The following CYFIP1 variants were observed in gnomAD, a reference collection of about 807,000 sequenced individuals.
The protein encoded by CYFIP1 is cytoplasmic FMR1-interacting protein 1.
CYFIP1 carries 58 observed loss-of-function variants against 163.5 expected under a neutral mutation model. The ratio of observed to expected loss-of-function variants is 0.35; its 90% CI spans 0.29 to 0.44. The LOEUF (loss-of-function observed/expected upper bound fraction) is 0.44, where lower values mean the gene tolerates loss of function less well. Ranked by LOEUF, CYFIP1 falls within the 20% of genes least tolerant of loss-of-function variation. CYFIP1 has a pLI of 1.00. For missense variants in CYFIP1, 1,338 were observed against 1,653.8 expected, an observed-to-expected ratio of 0.81 and a Z score of 3.31; for synonymous variants, 663 against 660.7, an observed-to-expected ratio of 1.00 and a Z score of -0.05.
intron 12 of CYFIP1, among the ~76,000 whole-genome samples, chr15:22,926,571 C>T (rs2061364354): frequency 6.6e-6 from 1 of 152,186 alleles, no homozygotes; most frequent in South Asian, 2.1e-4. Flanking sequence ...TGTACTCTTC[C>T]AATTTGATAA....
chr15:22,875,297 G>A (rs749245929), intron 26 of CYFIP1, 26 bp from the exon 27 acceptor site: 16 of 1,605,012 alleles, frequency 1.0e-5, no homozygotes, highest in Middle Eastern at 1.6e-4. Flanking sequence ...AGAGGGTCAA[G>A]CTAGGAAGGG....
rs1165023423 is a variant in CYFIP1 at position 22,870,146 on chromosome 15, T to C, written c.3644A>G (p.Asn1215Ser). 8.1e-6 allele frequency: 13 copies of C among 1,612,580 alleles called. No homozygotes were observed. Among genetic ancestry groups the C allele is most frequent in the Middle Eastern group, 1.7e-4 (1 of 6,060 alleles). The change falls in exon 31 of 31, where the codon AAT becomes AGT. Residue 1215 changes from asparagine (N) to serine (S), a missense_variant. Asn to Ser is a conservative substitution (Grantham distance 46). Coordinates refer to ENST00000617928, the MANE Select transcript of CYFIP1 (RefSeq NM_014608.6). ...ATCCAGGATGGTGATGATCTCATCA[T>C]TGAGAATCTGGAACTTGCGAATTCT... ...VERIRKFQIL[N>S]DEIITILDKY... is the part of the protein sequence containing the mutation.
Position 22,867,138 on chromosome 15 carries a change from C to CT in CYFIP1, c.*2889dup. The CT allele has an allele frequency of 2.2e-6, 1 of 457,310 alleles. No individual in the cohort carries two copies. The highest frequency in any genetic ancestry group is 3.8e-5 in the Admixed American group (1 of 26,098). 28.3% of individuals were successfully genotyped at this position (457,310 alleles called of 1,614,324 possible). ...GAATGCACTAATGACAGTTTTAAGT[C>CT]TATGAAAATGCTTTATTTTTTCATT... On this transcript the variant is annotated 3_prime_UTR_variant, in exon 31 of 31. Coordinates refer to ENST00000617928, the MANE Select transcript of CYFIP1 (RefSeq NM_014608.6).
chr15:22,925,238 A>C (rs1378228864), intron 13 of CYFIP1, among the ~76,000 whole-genome samples: 1 of 152,186 alleles, frequency 6.6e-6, no homozygotes, highest in African/African-American at 2.4e-5. Context: ...AATGAATATG[A>C]AACTACAGTG....
intron 10 of CYFIP1, among the ~76,000 whole-genome samples, chr15:22,932,856 G>A (rs116356134): frequency 6.6e-6 from 1 of 152,194 alleles, no homozygotes; most frequent in Admixed American, 6.5e-5. Context: ...TTGAGGTAGG[G>A]TCTTGCTCTC....
intron 1 of CYFIP1, among the ~76,000 whole-genome samples, chr15:22,962,696 G>A (rs1341047473): frequency 6.6e-6 from 1 of 152,010 alleles, no homozygotes; most frequent in African/African-American, 2.4e-5. Flanking sequence ...GAGCCACCAC[G>A]CCCGGCCATA....
intron 21 of CYFIP1, among the ~76,000 whole-genome samples, chr15:22,906,506 C>G (rs994820756): frequency 6.7e-6 from 1 of 148,512 alleles, no homozygotes; most frequent in Non-Finnish European, 1.5e-5. Context: ...CGCTCTGTTG[C>G]CCAGGCTGGA....
intron 1 of CYFIP1, among the ~76,000 whole-genome samples, chr15:22,956,906 T>A (rs12907198): frequency 1.3e-5 from 2 of 152,094 alleles, no homozygotes; most frequent in Non-Finnish European, 2.9e-5. Flanking sequence ...ACTTTTGAGA[T>A]GTATTTACTT....
At chr15:22,878,963 C>T (rs571857484) in intron 26 of CYFIP1, among the ~76,000 whole-genome samples, 1 of 151,910 alleles carries the variant, frequency 6.6e-6, no homozygotes, top group African/African-American at 2.4e-5. Context: ...GGTGAAACCC[C>T]GTCTCTACTA....
rs191481706 is a variant in CYFIP1 at position 22,883,153 on chromosome 15, C to A, written c.2677-142G>T. The A allele has an allele frequency of 3.8e-3, 3,489 of 911,620 alleles. 26 individuals are homozygous for A. The highest frequency in any genetic ancestry group is 3.3e-3 in the Non-Finnish European group (2,061 of 628,244). 56.5% of individuals were successfully genotyped at this position (911,620 alleles called of 1,614,324 possible). ...GACTTGTAAAATCTACTGCCCTTAA[C>A]TGGTACAGTTACAAAACCTACTTAG... On this transcript the variant is annotated intron_variant, in intron 23 of 30. Coordinates refer to ENST00000617928, the MANE Select transcript of CYFIP1 (RefSeq NM_014608.6).
chr15:22,893,509 A>G (rs7165990), intron 22 of CYFIP1, among the ~76,000 whole-genome samples: 2,186 of 152,338 alleles, frequency 0.014, 53 homozygotes, highest in African/African-American at 0.05. Context: ...TCAAATTGGA[A>G]GGGTTCGTTT....
chr15:22,870,217 T>C, intron 30 of CYFIP1, 25 bp from the exon 31 acceptor site: 1 of 1,593,654 alleles, frequency 6.3e-7, no homozygotes, highest in Non-Finnish European at 8.5e-7. Flanking sequence ...GTGAGGATGT[T>C]TTACTATTAA....
intron 23 of CYFIP1, among the ~76,000 whole-genome samples, chr15:22,890,905 C>T (rs192316575): frequency 5.3e-5 from 8 of 152,288 alleles, no homozygotes; most frequent in Non-Finnish European, 8.8e-5. Context: ...GAGCCTGTCC[C>T]ATGTTCTCCA....
intron 1 of CYFIP1, among the ~76,000 whole-genome samples, chr15:22,966,741 CCGAGACCCT>C (rs1272383108): frequency 6.6e-6 from 1 of 152,066 alleles, no homozygotes; most frequent in African/African-American, 2.4e-5. Flanking sequence ...TGACAGCCCA[CCGAGACCCT>C]CGCTCCAAGT....
At chr15:22,902,790 G>GC (rs751877395) in intron 22 of CYFIP1, among the ~76,000 whole-genome samples, 27 of 152,268 alleles carry the variant, frequency 1.8e-4, no homozygotes, top group Middle Eastern at 3.4e-3. Flanking sequence ...CTGACCCACG[G>GC]CCCCACAGGA....
rs4134802 is a variant in CYFIP1, at chr15:22,947,217, G to A, written c.69C>T (p.Pro23=). The change falls in exon 2 of 31, where the codon CCC becomes CCT. Residue 23 remains proline (P), a synonymous_variant. Coordinates refer to ENST00000617928, the MANE Select transcript of CYFIP1 (RefSeq NM_014608.6). ...NVDLLEELPL[P]DQQPCIEPPP... ...GGGGCTCGATGCAGGGCTGCTGGTC[G>A]GGCAGGGGCAGCTCCTCCAGGAGGT... The A allele has an allele frequency of 0.21, 334,913 of 1,613,496 alleles. 37,569 individuals carry two copies. The highest frequency in any genetic ancestry group is 0.34 in the African/African-American group (25,122 of 74,938).
chr15:22,891,633 G>A (rs900505139), intron 23 of CYFIP1, among the ~76,000 whole-genome samples: 12 of 152,178 alleles, frequency 7.9e-5, no homozygotes, highest in African/African-American at 2.7e-4. Flanking sequence ...TTTCAGGGGC[G>A]GGAGAGACGG....
At chr15:22,979,204 G>A (rs2063382078) in intron 1 of CYFIP1, among the ~76,000 whole-genome samples, 1 of 152,252 alleles carries the variant, frequency 6.6e-6, no homozygotes, top group African/African-American at 2.4e-5. Flanking sequence ...CGTTCTTCCA[G>A]GCTCCGTGCC....
intron 24 of CYFIP1, among the ~76,000 whole-genome samples, chr15:22,882,577 G>T (rs1490517143): frequency 6.6e-6 from 1 of 152,192 alleles, no homozygotes; most frequent in African/African-American, 2.4e-5. Flanking sequence ...GGCCAAGATG[G>T]GCAGATCTCT....
Sources: gnomAD v4.1 joint callset for allele counts (sites outside exome capture counted in the v4.1 genomes callset) on GRCh38, gnomAD v4.1.1 for gene constraint, MANE v1.5 for transcripts, NCBI Gene and HGNC (gene_info 2026-07-23, HGNC 2026-07-21) for gene names.